IRAK1BP1: variants seen among roughly 807,000 people sequenced by gnomAD.
IRAK1BP1 encodes interleukin-1 receptor-associated kinase 1-binding protein 1.
IRAK1BP1 carries 24 observed loss-of-function variants against 28.0 expected under a neutral mutation model. That is an observed-to-expected ratio of 0.86 (90% CI 0.62 to 1.20). The LOEUF is 1.20. IRAK1BP1 is among the 50% of genes most tolerant of loss of function. The pLI, the probability that IRAK1BP1 is intolerant of heterozygous loss-of-function variation, is 0.00. For missense variants in IRAK1BP1, 336 were observed against 316.7 expected (o/e 1.06, Z -0.46); for synonymous variants, 131 against 116.3 (o/e 1.13, Z -0.81).
intron 4 of IRAK1BP1, among the ~76,000 whole-genome samples, chr6:78,929,559 G>T (rs1459104632): frequency 6.6e-6 from 1 of 151,976 alleles, no homozygotes; most frequent in Non-Finnish European, 1.5e-5. Flanking sequence ...GAAGGAGGGG[G>T]ACAAGCATTG....
intron 4 of IRAK1BP1, among the ~76,000 whole-genome samples, chr6:78,921,372 G>A (rs955250094): frequency 2.6e-5 from 4 of 152,198 alleles, no homozygotes; most frequent in African/African-American, 9.6e-5. Flanking sequence ...CGGCAAGGCT[G>A]GGGGAGGGGC....
At chr6:78,975,638 C>G in the IRAK1BP1 span, among the ~76,000 whole-genome samples, 1 of 152,064 alleles carries the variant, frequency 6.6e-6, no homozygotes, top group Non-Finnish European at 1.5e-5. Context: ...CTGTCTCAGC[C>G]CAAAATCTCC....
the IRAK1BP1 span, among the ~76,000 whole-genome samples, chr6:78,975,474 T>TGC: frequency 6.6e-6 from 1 of 152,192 alleles, no homozygotes; most frequent in Non-Finnish European, 1.5e-5. Flanking sequence ...AAGACAGGGA[T>TGC]GCTCTCTCTC....
chr6:78,969,984 T>C, the IRAK1BP1 span: 1 of 1,589,484 alleles, frequency 6.3e-7, no homozygotes, highest in Non-Finnish European at 8.6e-7. Context: ...TGTTCAAATG[T>C]ATCTGAATCT....
chr6:78,889,625 A>G (rs1049489905), intron 2 of IRAK1BP1, among the ~76,000 whole-genome samples: 2 of 152,058 alleles, frequency 1.3e-5, no homozygotes, highest in Non-Finnish European at 2.9e-5. Flanking sequence ...ATGAACAGAC[A>G]CTTCTCAAAA....
chr6:78,941,438 C>T (rs1426052169), intron 4 of IRAK1BP1: 2 of 617,908 alleles, frequency 3.2e-6, no homozygotes, highest in Non-Finnish European at 5.4e-6. Flanking sequence ...TGACATAATC[C>T]AAATTATTTT....
At position 78,902,726 on chromosome 6, in the gene IRAK1BP1, G is replaced by A. The variant is rs147828969; in HGVS notation, c.*4392G>A. On this transcript the variant is annotated 3_prime_UTR_variant, in exon 4 of 4. Coordinates refer to ENST00000369940, the MANE Select transcript of IRAK1BP1 (RefSeq NM_001010844.4). ...GCAGAGCTTACAGTGAGCCGAGATC[G>A]CACCACTGCACTTCAGCCTGGGTGA... 10,952 of 316,892 alleles carry A rather than the reference G, an allele frequency of 0.035. 251 individuals are homozygous for A. The highest frequency in any genetic ancestry group is 0.061 in the Middle Eastern group (68 of 1,112). 19.6% of individuals were successfully genotyped at this position (316,892 alleles called of 1,614,324 possible).
At chr6:78,965,723 A>G in the IRAK1BP1 span, 1 of 1,570,354 alleles carries the variant, frequency 6.4e-7, no homozygotes. Flanking sequence ...TATAAGCTCC[A>G]TATCCCAAGG....
intron 4 of IRAK1BP1, among the ~76,000 whole-genome samples, chr6:78,942,903 A>C (rs1773575923): frequency 1.3e-5 from 2 of 152,242 alleles, no homozygotes; most frequent in South Asian, 4.1e-4. Context: ...AAAAAGGTTA[A>C]GAATGAATGC....
rs764290554 is a variant in IRAK1BP1, at chr6:78,885,453, TAAC to T, written c.381+13_381+15del. ...TCACATGGAAGCAGAGGTATGTACTTAACAAATAATTGGAAGCAGCATGATTTT... is the reference window on the plus strand; with the variant it reads ...TCACATGGAAGCAGAGGTATGTACTTAAATAATTGGAAGCAGCATGATTTT... On this transcript the variant is annotated intron_variant, in intron 2 of 3. Transcript: ENST00000369940. 3.9e-5 allele frequency: 54 copies of T among 1,393,630 alleles called. No homozygotes were observed. Among genetic ancestry groups the T allele is most frequent in the Non-Finnish European group, 5.3e-5 (53 of 1,003,176 alleles). 86.3% of individuals were successfully genotyped at this position (1,393,630 alleles called of 1,614,324 possible). A position where few individuals can be genotyped will look rare whatever the true frequency, so the allele number is the denominator to read the frequency against.
At chr6:78,904,743 A>G (rs766382207), downstream of IRAK1BP1, among the ~76,000 whole-genome samples, 2 of 152,232 alleles carry the variant, frequency 1.3e-5, no homozygotes, top group African/African-American at 2.4e-5. Context: ...TTTGTACCAA[A>G]TTAATCATGA....
Position 78,902,592 on chromosome 6 carries a change from G to T in IRAK1BP1, c.*4258G>T. The T allele has an allele frequency of 6.3e-6, 1 of 158,024 alleles. No individual in the cohort carries two copies. The highest frequency in any genetic ancestry group is 1.4e-5 in the Non-Finnish European group (1 of 71,820). The allele number at this position is 158,024 out of a possible 1,614,324, so 9.8% of individuals were successfully genotyped here. ...TCGAGACCAACCTGGCCAATATATTGAAACCCTGTCTCTTCTAAAAATACA... is the reference window on the plus strand; with the variant it reads ...TCGAGACCAACCTGGCCAATATATTTAAACCCTGTCTCTTCTAAAAATACA... On this transcript the variant is annotated 3_prime_UTR_variant, in exon 4 of 4. Transcript: ENST00000369940.
chr6:78,979,370 T>A, the IRAK1BP1 span, among the ~76,000 whole-genome samples: 4 of 152,050 alleles, frequency 2.6e-5, no homozygotes, highest in African/African-American at 9.7e-5. Flanking sequence ...TCTCCTTTCC[T>A]TTCAAAATGC....
chr6:78,878,476 A>G (rs867502859), intron 1 of IRAK1BP1, among the ~76,000 whole-genome samples: 6 of 152,210 alleles, frequency 3.9e-5, no homozygotes, highest in Admixed American at 1.3e-4. Context: ...GACATCCACA[A>G]CAAAACCCCA....
chr6:78,895,185 T>C (rs749960437), intron 2 of IRAK1BP1, among the ~76,000 whole-genome samples: 20 of 151,058 alleles, frequency 1.3e-4, no homozygotes, highest in Non-Finnish European at 2.5e-4. Flanking sequence ...AAACCAGTAA[T>C]AGAAGGGCCT....
At chr6:78,945,758 GTGAT>G (rs2127681990) in exon 5 of IRAK1BP1, 1 of 597,720 alleles carries the variant, frequency 1.7e-6, no homozygotes, top group Non-Finnish European at 2.9e-6. Context: ...TGTGGGTACT[GTGAT>G]TTAAATTCAG....
At chr6:78,941,085 A>T in intron 4 of IRAK1BP1, 1 of 1,614,060 alleles carries the variant, frequency 6.2e-7, no homozygotes, top group Non-Finnish European at 8.5e-7. Context: ...AGAAAATTGC[A>T]TGTTGAAGAA....
At chr6:78,946,066 G>C in exon 5 of IRAK1BP1, 3 of 1,612,490 alleles carry the variant, frequency 1.9e-6, no homozygotes, top group Non-Finnish European at 1.7e-6. Context: ...TGAAGAAGTA[G>C]ATGGTTGCTC....
chr6:78,959,989 T>C, the IRAK1BP1 span, among the ~76,000 whole-genome samples: 1 of 152,126 alleles, frequency 6.6e-6, no homozygotes, highest in African/African-American at 2.4e-5. Context: ...AACTGTACAA[T>C]ACACTGTACA....
Sources: gnomAD v4.1 joint callset for allele counts (sites outside exome capture counted in the v4.1 genomes callset) on GRCh38, gnomAD v4.1.1 for gene constraint, MANE v1.5 for transcripts, NCBI Gene and HGNC (gene_info 2026-07-23, HGNC 2026-07-21) for gene names.